The following AFF2 variants were observed in gnomAD, a reference collection of about 807,000 sequenced individuals.
AFF2 encodes ALF transcription elongation factor 2.
AFF2 carries 14 observed loss-of-function variants against 76.9 expected under a neutral mutation model. The observed-to-expected ratio is 0.18, with a 90% CI of 0.12 to 0.28. AFF2 has a LOEUF of 0.28. Among genes scored for constraint, AFF2 ranks in the 10% least tolerant of loss-of-function variants. AFF2 has a pLI of 1.00. For missense variants in AFF2, 868 were observed against 1,001.1 expected (o/e 0.87, Z 1.79); for synonymous variants, 398 against 366.7 (o/e 1.09, Z -0.98).
chrX:148,908,986 A>G (rs1471617302), intron 9 of AFF2, among the ~76,000 whole-genome samples: 4 of 111,937 alleles, frequency 3.6e-5, no homozygotes, highest in African/African-American at 1.3e-4. Context: ...GGCCCCTTAT[A>G]GAAAGTTTGT....
intron 3 of AFF2, among the ~76,000 whole-genome samples, chrX:148,742,047 G>A (rs892663160): frequency 3.6e-5 from 4 of 111,315 alleles, no homozygotes; most frequent in African/African-American, 3.3e-5. Context: ...AGGGTCTGTG[G>A]GTCCTCTCAG....
At chrX:148,794,144 G>C (rs1557270186) in intron 3 of AFF2, among the ~76,000 whole-genome samples, 2 of 111,458 alleles carry the variant, frequency 1.8e-5, no homozygotes, top group African/African-American at 3.3e-5. Flanking sequence ...AAGTAAACCA[G>C]AATTTCTAAA....
chrX:148,702,341 G>A (rs1215575022), intron 3 of AFF2, among the ~76,000 whole-genome samples: 3 of 111,818 alleles, frequency 2.7e-5, no homozygotes, highest in East Asian at 5.6e-4. Flanking sequence ...TTAGAATGGC[G>A]TTCATTGTTG....
intron 9 of AFF2, among the ~76,000 whole-genome samples, chrX:148,917,913 C>T (rs192050924): frequency 6.2e-5 from 7 of 112,031 alleles, no homozygotes; most frequent in East Asian, 2.8e-4. Flanking sequence ...AACCCAAGAC[C>T]GTGTTAAAGG....
In AFF2 at chrX:148,842,982, C is replaced by T. The variant is rs1557274395; in HGVS notation, c.1190C>T (p.Thr397Ile). 8.3e-7 allele frequency: 1 copy of T among 1,202,603 alleles called. No homozygotes were observed. Among genetic ancestry groups the T allele is most frequent in the East Asian group, 3.0e-5 (1 of 33,569 alleles). ...SIPGQESQHL[T>I]PGFTLQKWND... is the part of the protein sequence containing the mutation. The stretch of plus-strand genomic sequence containing the variant: ...TCCTTATAGGAATCGCAGCATCTGA[C>T]CCCAGGATTCACCTTACAAAGTAAG... The change falls in exon 6 of 21, where the codon ACC becomes ATC. Residue 397 changes from threonine to isoleucine, a missense_variant. Transcript: ENST00000370460.
intron 3 of AFF2, among the ~76,000 whole-genome samples, chrX:148,796,290 TCTC>T (rs2069981746): frequency 9.0e-6 from 1 of 110,619 alleles, no homozygotes; most frequent in African/African-American, 3.3e-5. Flanking sequence ...AATTTCCCAA[TCTC>T]CTAATATATC....
chrX:148,682,834 G>A (rs891448407), intron 3 of AFF2, among the ~76,000 whole-genome samples: 4 of 111,129 alleles, frequency 3.6e-5, no homozygotes, highest in Admixed American at 1.9e-4. Flanking sequence ...TTTTTTTCTT[G>A]TACTGAGAAA....
intron 3 of AFF2, among the ~76,000 whole-genome samples, chrX:148,700,666 C>T (rs148195286): frequency 0.015 from 1,699 of 110,592 alleles, 33 homozygotes; most frequent in African/African-American, 0.05. Context: ...TACAGAAAAG[C>T]ATTAAAAATT....
intron 1 of AFF2, among the ~76,000 whole-genome samples, chrX:148,570,759 A>G (rs1355175488): frequency 9.0e-6 from 1 of 111,388 alleles, no homozygotes; most frequent in Non-Finnish European, 1.9e-5. Flanking sequence ...GTCCCAGGAA[A>G]GACGTGTTCC....
chrX:148,539,703 C>T (rs1279935263), intron 1 of AFF2, among the ~76,000 whole-genome samples: 2 of 110,300 alleles, frequency 1.8e-5, no homozygotes, highest in Non-Finnish European at 3.8e-5. Context: ...TAGCTCCTTC[C>T]TGTCTTATTT....
At chrX:148,904,768 G>T (rs890539520) in intron 9 of AFF2, among the ~76,000 whole-genome samples, 1 of 111,958 alleles carries the variant, frequency 8.9e-6, no homozygotes, top group Non-Finnish European at 1.9e-5. Context: ...TTAGCTAACA[G>T]AAAGCAATTC....
At position 148,990,142 on chromosome X, in the gene AFF2, T is replaced by C. The variant is rs547199871; in HGVS notation, c.3815-1069T>C. Among the ~76,000 whole-genome samples, 89 of 112,639 alleles carry C rather than the reference T, an allele frequency of 7.9e-4. 2 individuals are homozygous for C. In the South Asian group the frequency reaches 0.03, roughly 38 times the overall value. On this transcript the variant is annotated intron_variant, in intron 20 of 20. Transcript: ENST00000370460. ...ATAGTACAGGTTAAAAAGTATCATA[T>C]AATCAAATGAGGTTGACACCTAGAG...
At chrX:148,792,485 A>C (rs191459424) in intron 3 of AFF2, among the ~76,000 whole-genome samples, 9 of 112,925 alleles carry the variant, frequency 8.0e-5, no homozygotes, top group African/African-American at 2.6e-4. Context: ...AACCATTCTT[A>C]TGACTGTTTT....
rs1356395206 is a variant in AFF2 at position 148,686,008 on chromosome X, C to A, written c.1041+23240C>A. ...ACTCCTATCTGTAACCATTTTTCTT[C>A]TTTCTTTTCTTCTCAGGAGATTTTA... On this transcript the variant is annotated intron_variant, in intron 3 of 20. Coordinates refer to ENST00000370460, the MANE Select transcript of AFF2 (RefSeq NM_002025.4). Among the ~76,000 whole-genome samples the A allele has an allele frequency of 2.7e-5, 3 of 110,308 alleles. No homozygotes were observed. The Admixed American group carries it at 2.9e-4, about 11-fold the overall frequency.
intron 1 of AFF2, among the ~76,000 whole-genome samples, chrX:148,645,390 C>T (rs2054134996): frequency 8.9e-6 from 1 of 112,101 alleles, no homozygotes; most frequent in South Asian, 3.6e-4. Flanking sequence ...AAATGTAAAG[C>T]AATTTATTAA....
At chrX:148,831,187 T>A (rs781867223) in intron 4 of AFF2, among the ~76,000 whole-genome samples, 3 of 112,094 alleles carry the variant, frequency 2.7e-5, no homozygotes, top group South Asian at 7.5e-4. Flanking sequence ...TTCATATTGT[T>A]CAAACACACA....
At chrX:148,611,067 G>A (rs782640236) in intron 1 of AFF2, among the ~76,000 whole-genome samples, 21 of 111,603 alleles carry the variant, frequency 1.9e-4, no homozygotes, top group African/African-American at 6.8e-4. Flanking sequence ...AGTATTCCTA[G>A]CAGAGACATG....
intron 1 of AFF2, among the ~76,000 whole-genome samples, chrX:148,605,658 G>A (rs1196649247): frequency 3.6e-5 from 4 of 111,980 alleles, no homozygotes; most frequent in East Asian, 2.8e-4. Context: ...GTTGACAAAC[G>A]ATCAAGGTGT....
At chrX:148,872,369 T>A (rs1479260083) in intron 7 of AFF2, among the ~76,000 whole-genome samples, 2 of 111,827 alleles carry the variant, frequency 1.8e-5, no homozygotes, top group African/African-American at 6.5e-5. Flanking sequence ...AAAGGAATCA[T>A]GTGATATGTG....
Sources: allele counts gnomAD v4.1 joint callset (sites outside exome capture counted in the v4.1 genomes callset), GRCh38; gene constraint gnomAD v4.1.1; transcripts MANE v1.5; gene names NCBI Gene and HGNC (gene_info 2026-07-23, HGNC 2026-07-21).